DSCAML1: variants seen among roughly 807,000 people sequenced by gnomAD.
DSCAML1 encodes DS cell adhesion molecule like 1, also known as cell adhesion molecule DSCAML1.
DSCAML1 carries 38 observed loss-of-function variants against 200.5 expected under a neutral mutation model. The observed-to-expected ratio is 0.19, with a 90% CI of 0.15 to 0.25. The LOEUF (loss-of-function observed/expected upper bound fraction) is 0.25. Ranked by LOEUF, DSCAML1 falls within the 10% of genes least tolerant of loss-of-function variation. The pLI is 1.00. For missense variants in DSCAML1, 2,223 were observed against 2,858.8 expected (o/e 0.78, Z 5.07); for synonymous variants, 1,215 against 1,165.0 (o/e 1.04, Z -0.87).
At chr11:117,442,636 T>G (rs1016320004) in intron 21 of DSCAML1, among the ~76,000 whole-genome samples, 1 of 152,126 alleles carries the variant, frequency 6.6e-6, no homozygotes. Context: ...GGACCGTGTT[T>G]ATTTAATGCC....
At chr11:117,465,377 C>T (rs117028190) in intron 16 of DSCAML1, among the ~76,000 whole-genome samples, 195 bp from the exon 17 acceptor site, 1,999 of 152,294 alleles carry the variant, frequency 0.013, 40 homozygotes, top group South Asian at 0.017. Context: ...CTCTCAGATC[C>T]TCTCCTGTGC....
upstream of DSCAML1, among the ~76,000 whole-genome samples, chr11:117,798,317 G>C (rs1033355567): frequency 2.0e-5 from 3 of 152,234 alleles, no homozygotes; most frequent in Admixed American, 2.0e-4. Context: ...GCATTTGCCA[G>C]AGGAAGAAAA....
At chr11:117,537,170 C>T (rs949780119) in intron 3 of DSCAML1, among the ~76,000 whole-genome samples, 3 of 152,186 alleles carry the variant, frequency 2.0e-5, no homozygotes, top group Non-Finnish European at 2.9e-5. Flanking sequence ...TCTGCCTGGT[C>T]GCTTCTGTCA....
chr11:117,542,808 A>C (rs2050297655), intron 3 of DSCAML1, among the ~76,000 whole-genome samples: 1 of 152,196 alleles, frequency 6.6e-6, no homozygotes, highest in Non-Finnish European at 1.5e-5. Flanking sequence ...GCTTGGGCTA[A>C]GAGACTTGTT....
intron 3 of DSCAML1, among the ~76,000 whole-genome samples, chr11:117,641,918 A>G (rs2052417883): frequency 6.6e-6 from 1 of 152,072 alleles, no homozygotes; most frequent in Non-Finnish European, 1.5e-5. Flanking sequence ...CACGAGGGAA[A>G]CTGAGACTCA....
At chr11:117,739,836 A>G (rs554641447) in intron 3 of DSCAML1, among the ~76,000 whole-genome samples, 65 of 152,300 alleles carry the variant, frequency 4.3e-4, no homozygotes, top group African/African-American at 1.4e-3. Context: ...AGGAGGAGGC[A>G]TTGTCATATA....
intron 11 of DSCAML1, among the ~76,000 whole-genome samples, chr11:117,486,552 T>C (rs1464479376): frequency 6.6e-6 from 1 of 152,214 alleles, no homozygotes; most frequent in East Asian, 1.9e-4. Context: ...GTAAGATGGA[T>C]GTATATCCTT....
intron 3 of DSCAML1, among the ~76,000 whole-genome samples, chr11:117,665,917 G>C (rs1486665740): frequency 6.6e-6 from 1 of 152,178 alleles, no homozygotes; most frequent in Non-Finnish European, 1.5e-5. Context: ...CATTGCTCTG[G>C]GAAGTCAGAG....
intron 3 of DSCAML1, among the ~76,000 whole-genome samples, chr11:117,573,495 C>T (rs1226358478): frequency 2.0e-5 from 3 of 152,340 alleles, no homozygotes; most frequent in African/African-American, 4.8e-5. Context: ...GGTGGTACCT[C>T]GGGTGCTCCG....
intron 3 of DSCAML1, among the ~76,000 whole-genome samples, chr11:117,743,468 C>T (rs2054459200): frequency 6.6e-6 from 1 of 152,046 alleles, no homozygotes; most frequent in Non-Finnish European, 1.5e-5. Context: ...GTGCACAGGC[C>T]CTCTGTCCCC....
At chr11:117,494,725 A>G (rs1466761111) in intron 11 of DSCAML1, among the ~76,000 whole-genome samples, 1 of 152,202 alleles carries the variant, frequency 6.6e-6, no homozygotes, top group African/African-American at 2.4e-5. Flanking sequence ...GAGTAAGGTG[A>G]GCCCTTAATC....
intron 3 of DSCAML1, among the ~76,000 whole-genome samples, chr11:117,660,472 T>C (rs1028147960): frequency 6.6e-6 from 1 of 152,184 alleles, no homozygotes; most frequent in Non-Finnish European, 1.5e-5. Context: ...GCTCTCCGGT[T>C]CTCCATGAGG....
At chr11:117,541,174 T>C (rs1008209749) in intron 3 of DSCAML1, among the ~76,000 whole-genome samples, 1 of 152,364 alleles carries the variant, frequency 6.6e-6, no homozygotes, top group South Asian at 2.1e-4. Context: ...GAAATGCTTT[T>C]TCCTTGACTT....
chr11:117,796,151 A>G (rs1461382680), intron 1 of DSCAML1, among the ~76,000 whole-genome samples: 1 of 151,756 alleles, frequency 6.6e-6, no homozygotes, highest in Non-Finnish European at 1.5e-5. Flanking sequence ...CCCTCTTCCA[A>G]CCTCCCGATC....
In DSCAML1 at chr11:117,461,416, CCT is replaced by C. The variant is rs369838568; in HGVS notation, c.3412+32_3412+33del. The C allele has an allele frequency of 1.3e-4, 210 of 1,613,816 alleles. No individual in the cohort carries two copies. The African/African-American group carries it at 1.8e-3, about 14-fold the overall frequency. On this transcript the variant is annotated intron_variant, in intron 18 of 32. Transcript: ENST00000651296. ...AGACTCCACTGACCTGCGCCTCTCC[CCT>C]GAGTCCCAGCCATCAGTCCCAGCAG...
intron 3 of DSCAML1, among the ~76,000 whole-genome samples, chr11:117,639,207 G>A (rs1029122622): frequency 1.4e-4 from 21 of 152,108 alleles, no homozygotes; most frequent in African/African-American, 5.1e-4. Context: ...AGGGGCCCCT[G>A]GCTGGGAAGC....
rs71037499 is a variant in DSCAML1, at chr11:117,780,304, G to GAAAGAAAGAAAGAAAAGAAAGAA, written c.364+188_364+189insTTCTTTCTTTTCTTTCTTTCTTT. Among the ~76,000 whole-genome samples, 1 of 98,360 alleles carries GAAAGAAAGAAAGAAAAGAAAGAA rather than the reference G, an allele frequency of 1.0e-5. No individual in the cohort carries two copies. Among genetic ancestry groups the GAAAGAAAGAAAGAAAAGAAAGAA allele is most frequent in the Non-Finnish European group, 2.2e-5 (1 of 45,044 alleles). 64.5% of individuals were successfully genotyped at this position (98,360 alleles called of 152,430 possible). A position where few individuals can be genotyped will look rare whatever the true frequency, so the allele number is the denominator to read the frequency against. Reference sequence around the variant, plus strand: ...AGAAAGAAAGAAAGAAAGAAAGAAAGAGAGAAAGGAGAAAGAAAGGTGTCT... The same window carrying GAAAGAAAGAAAGAAAAGAAAGAA: ...AGAAAGAAAGAAAGAAAGAAAGAAAGAAAGAAAGAAAGAAAAGAAAGAAAGAGAAAGGAGAAAGAAAGGTGTCT... On this transcript the variant is annotated intron_variant, in intron 2 of 32. Transcript: ENST00000651296. This position sits in a 1 kb window ranked among gnomAD's most constrained non-coding sequence, Gnocchi z 4.8.
chr11:117,735,478 G>T (rs4936403), intron 3 of DSCAML1, among the ~76,000 whole-genome samples: 125,302 of 151,944 alleles, frequency 0.82, 53,707 homozygotes, highest in Non-Finnish European at 0.94. Context: ...CTGAAGAGAG[G>T]AGAGGCTGGG....
chr11:117,614,251 T>C (rs1268965075), intron 3 of DSCAML1, among the ~76,000 whole-genome samples: 4 of 152,192 alleles, frequency 2.6e-5, no homozygotes, highest in African/African-American at 7.2e-5. Context: ...CTCACATCGC[T>C]ATCCCCAGTG....
Sources: allele counts gnomAD v4.1 joint callset (sites outside exome capture counted in the v4.1 genomes callset), GRCh38; gene constraint gnomAD v4.1.1; non-coding constraint Gnocchi (gnomAD v3.1); transcripts MANE v1.5; gene names NCBI Gene and HGNC (gene_info 2026-07-23, HGNC 2026-07-21).